The following ZNF678 variants were observed in gnomAD, a reference collection of about 807,000 sequenced individuals.
ZNF678 encodes zinc finger protein 678.
In ZNF678, 5 loss-of-function variants were observed where a neutral mutation model predicts 3.0. The ratio of observed to expected loss-of-function variants is 1.69; its 90% CI spans 0.88 to 3.56. The LOEUF is 3.56. ZNF678 is among the 30% of genes most tolerant of loss of function. ZNF678 has a pLI of 0.00. For synonymous variants in ZNF678, 218 were observed against 199.6 expected, an observed-to-expected ratio of 1.09 and a Z score of -0.78; for missense variants, 593 against 605.0, an observed-to-expected ratio of 0.98 and a Z score of 0.21.
chr1:227,628,388 C>T lies in ZNF678; in HGVS notation c.-163-18156C>T, dbSNP rs562887800. ...GGGCCTTCTTTAGGGCCTGGAAAGC[C>T]GCTTCTGCTTCAGGTGTCCATTCTA... On this transcript the variant is annotated intron_variant, in intron 1 of 3. Transcript: ENST00000343776. 4.6e-5 allele frequency among the ~76,000 whole-genome samples: 7 copies of T among 152,268 alleles called. No homozygotes were observed. In the East Asian group the frequency reaches 5.8e-4, roughly 13 times the overall value.
rs989066134 is a variant in ZNF678 at position 227,655,067 on chromosome 1, G to A, written c.817G>A (p.Val273Ile). Residue 273 changes from valine (V) to isoleucine (I), a missense_variant, in exon 4 of 4, where the codon GTT becomes ATT. Physicochemically the swap from Val to Ile is conservative, Grantham distance 29. Coordinates refer to ENST00000343776, the MANE Select transcript of ZNF678 (RefSeq NM_001367909.1). ...KPYKCEECGN[V>I]FNECSHLTRH... is the part of the protein sequence containing the mutation. Reference sequence around the variant, plus strand: ...TTACAAGTGTGAAGAATGTGGCAACGTTTTTAATGAGTGCTCACACCTAAC... The same window carrying A: ...TTACAAGTGTGAAGAATGTGGCAACATTTTTAATGAGTGCTCACACCTAAC... 18 of 1,611,630 alleles carry A rather than the reference G, an allele frequency of 1.1e-5. No individual in the cohort carries two copies. Among genetic ancestry groups the A allele is most frequent in the South Asian group, 3.3e-5 (3 of 90,858 alleles).
chr1:227,676,695 C>T (rs931299576), intron 5 of ZNF678, among the ~76,000 whole-genome samples: 14 of 146,630 alleles, frequency 9.5e-5, no homozygotes, highest in Admixed American at 2.0e-4. Flanking sequence ...CAACAGGCCC[C>T]GGTGTGTGAT....
chr1:227,673,984 T>C (rs1214036470), intron 5 of ZNF678, among the ~76,000 whole-genome samples: 1 of 152,200 alleles, frequency 6.6e-6, no homozygotes, highest in Non-Finnish European at 1.5e-5. Flanking sequence ...AAAAGCTTTC[T>C]CTCTACAATT....
intron 1 of ZNF678, among the ~76,000 whole-genome samples, chr1:227,623,719 G>A (rs532539507): frequency 6.6e-6 from 1 of 152,228 alleles, no homozygotes; most frequent in African/African-American, 2.4e-5. Flanking sequence ...TTGTAGTACA[G>A]AAATGTTTAT....
intron 1 of ZNF678, among the ~76,000 whole-genome samples, chr1:227,594,034 AGACT>A (rs1384438359): frequency 6.6e-6 from 1 of 152,130 alleles, no homozygotes; most frequent in Non-Finnish European, 1.5e-5. Context: ...ATGTGCTAAA[AGACT>A]GAGTTTTTGA....
rs554070579 is a variant in ZNF678 at position 227,655,530 on chromosome 1, A to G, written c.1280A>G (p.His427Arg). 4 of 1,612,792 alleles carry G rather than the reference A, an allele frequency of 2.5e-6. No individual in the cohort carries two copies. The East Asian group carries it at 8.9e-5, about 36-fold the overall frequency. The change falls in exon 4 of 4, where the codon CAT becomes CGT. Residue 427 changes from histidine to arginine, a missense_variant. His to Arg is a conservative substitution (Grantham distance 29, BLOSUM62 0). Transcript: ENST00000343776. ...CACCTAACTAGCCATAAGAGAATTC[A>G]TACTGGAGAGAAACCCTACAAATGT... Reference protein sequence around the residue: ...CSHLTSHKRIHTGEKPYKCKE... With the variant: ...CSHLTSHKRIRTGEKPYKCKE...
At chr1:227,579,362 G>A (rs903732842) in intron 1 of ZNF678, among the ~76,000 whole-genome samples, 4 of 152,110 alleles carry the variant, frequency 2.6e-5, no homozygotes, top group Non-Finnish European at 4.4e-5. Flanking sequence ...TTGCTCAGGA[G>A]TGTTGCTCAG....
At chr1:227,563,872 C>A in intron 1 of ZNF678, 148 bp downstream of exon 1, 1 of 687,298 alleles carries the variant, frequency 1.5e-6, no homozygotes, top group Non-Finnish European at 2.2e-6. Flanking sequence ...GATTCTCCTC[C>A]CATCACTGCG....
intron 1 of ZNF678, among the ~76,000 whole-genome samples, chr1:227,634,302 G>A (rs767845780): frequency 1.3e-5 from 2 of 152,194 alleles, no homozygotes; most frequent in African/African-American, 2.4e-5. Flanking sequence ...ATTCCCAGGT[G>A]TGGTGGCTAC....
At chr1:227,582,104 A>C (rs934539088) in intron 1 of ZNF678, among the ~76,000 whole-genome samples, 1 of 152,104 alleles carries the variant, frequency 6.6e-6, no homozygotes, top group African/African-American at 2.4e-5. Context: ...TGCATTGTCT[A>C]CCTTTTTCTT....
downstream of ZNF678, among the ~76,000 whole-genome samples, chr1:227,664,811 A>G (rs938048474): frequency 2.0e-5 from 3 of 151,140 alleles, no homozygotes; most frequent in African/African-American, 4.9e-5. Flanking sequence ...TTCCTTCCAT[A>G]TGACCTACCC....
intron 5 of ZNF678, among the ~76,000 whole-genome samples, chr1:227,672,050 A>G (rs1659609499): frequency 1.3e-5 from 2 of 152,224 alleles, no homozygotes; most frequent in Non-Finnish European, 2.9e-5. Context: ...ATGCAAAGGT[A>G]GAATGGAGTA....
At chr1:227,576,441 G>C (rs1656988673) in intron 1 of ZNF678, among the ~76,000 whole-genome samples, 1 of 152,062 alleles carries the variant, frequency 6.6e-6, no homozygotes, top group Admixed American at 6.5e-5. Flanking sequence ...GTCTGTTCAG[G>C]GTTTGAATTT....
intron 1 of ZNF678, among the ~76,000 whole-genome samples, chr1:227,620,439 CTCACCCTTT>C (rs1658253173): frequency 6.6e-6 from 1 of 152,164 alleles, no homozygotes; most frequent in African/African-American, 2.4e-5. Flanking sequence ...ACCCAGTGTA[CTCACCCTTT>C]TCACTGCTTA....
At chr1:227,575,985 G>C (rs1656978911) in intron 1 of ZNF678, among the ~76,000 whole-genome samples, 1 of 152,112 alleles carries the variant, frequency 6.6e-6, no homozygotes, top group African/African-American at 2.4e-5. Flanking sequence ...GGCCTTTTCT[G>C]CATCTATTGA....
chr1:227,586,508 A>C (rs1348858090), intron 1 of ZNF678, among the ~76,000 whole-genome samples: 1 of 152,214 alleles, frequency 6.6e-6, no homozygotes, highest in East Asian at 1.9e-4. Flanking sequence ...GAAATAAAAA[A>C]TTTACTAGAG....
At chr1:227,627,750 T>G (rs1008953804) in intron 1 of ZNF678, among the ~76,000 whole-genome samples, 1 of 152,186 alleles carries the variant, frequency 6.6e-6, no homozygotes, top group African/African-American at 2.4e-5. Context: ...GAGTGCTAGT[T>G]TCTGGAGTGA....
At chr1:227,641,178 G>C (rs1558152095) in intron 1 of ZNF678, among the ~76,000 whole-genome samples, 1 of 152,178 alleles carries the variant, frequency 6.6e-6, no homozygotes, top group Non-Finnish European at 1.5e-5. Flanking sequence ...GGAGTGGAGG[G>C]GTAGGTCCAC....
intron 1 of ZNF678, among the ~76,000 whole-genome samples, chr1:227,595,600 GCTT>G (rs1657562017): frequency 6.6e-6 from 1 of 152,042 alleles, no homozygotes; most frequent in Non-Finnish European, 1.5e-5. Context: ...CCTGACCCAT[GCTT>G]CTTCGAGACA....
Sources: allele counts gnomAD v4.1 joint callset (sites outside exome capture counted in the v4.1 genomes callset), GRCh38; gene constraint gnomAD v4.1.1; transcripts MANE v1.5; gene names NCBI Gene and HGNC (gene_info 2026-07-23, HGNC 2026-07-21).